The following SGCZ variants were observed in gnomAD, a reference collection of about 807,000 sequenced individuals.
The protein encoded by SGCZ is sarcoglycan zeta.
Under a neutral mutation model 41.3 loss-of-function variants are expected in SGCZ, and 40 were observed. The observed-to-expected ratio is 0.97, with a 90% CI of 0.75 to 1.26. The LOEUF (loss-of-function observed/expected upper bound fraction) is 1.26, where lower values mean the gene tolerates loss of function less well. Ranked by LOEUF, SGCZ falls within the 50% of genes most tolerant of loss-of-function variation. The pLI is 0.00. For missense variants in SGCZ, 552 were observed against 369.8 expected (o/e 1.49, Z -4.04); for synonymous variants, 206 against 137.5 (o/e 1.50, Z -3.49).
At chr8:14,237,497 A>AACG (rs1554484643) in intron 4 of SGCZ, 95 bp downstream of exon 4, 1 of 1,158,652 alleles carries the variant, frequency 8.6e-7, no homozygotes, top group Admixed American at 1.9e-5. Context: ...CAACAACAAC[A>AACG]ACAACAACAA....
chr8:14,188,675 G>C (rs527922570), intron 4 of SGCZ, among the ~76,000 whole-genome samples: 2 of 152,058 alleles, frequency 1.3e-5, no homozygotes, highest in East Asian at 1.9e-4. Context: ...CATTTAAATG[G>C]ATGAATTGTA....
At chr8:14,776,834 A>G (rs1800418440) in intron 1 of SGCZ, among the ~76,000 whole-genome samples, 1 of 152,194 alleles carries the variant, frequency 6.6e-6, no homozygotes, top group Admixed American at 6.5e-5. Flanking sequence ...AAAAGTAGAA[A>G]TGGTTAAACT....
At chr8:15,141,585 C>G (rs1263812609) in intron 1 of SGCZ, among the ~76,000 whole-genome samples, 1 of 152,160 alleles carries the variant, frequency 6.6e-6, no homozygotes, top group East Asian at 1.9e-4. Context: ...CCTTAGAAGG[C>G]TCTGCCCAAG....
At chr8:14,398,927 T>G (rs1798994942) in intron 2 of SGCZ, among the ~76,000 whole-genome samples, 1 of 152,140 alleles carries the variant, frequency 6.6e-6, no homozygotes, top group Non-Finnish European at 1.5e-5. Context: ...GCTTGCATTC[T>G]TCCGTTACAA....
chr8:14,800,536 G>A (rs73533038), intron 1 of SGCZ, among the ~76,000 whole-genome samples: 11,650 of 152,144 alleles, frequency 0.077, 1,403 homozygotes, highest in African/African-American at 0.25. Flanking sequence ...GAGGGGCCTG[G>A]TGGAAGGTGA....
intron 2 of SGCZ, among the ~76,000 whole-genome samples, chr8:14,543,048 C>T (rs189744791): frequency 2.0e-5 from 3 of 151,836 alleles, no homozygotes; most frequent in African/African-American, 7.3e-5. Flanking sequence ...GTTATATTGA[C>T]TGGTTTTACT....
chr8:14,612,041 T>C (rs567404801), intron 1 of SGCZ, among the ~76,000 whole-genome samples: 3 of 152,370 alleles, frequency 2.0e-5, no homozygotes, highest in East Asian at 3.9e-4. Context: ...AAAAATTATT[T>C]AGCATTTGTC....
intron 1 of SGCZ, among the ~76,000 whole-genome samples, chr8:15,188,160 A>G (rs1002517123): frequency 2.0e-5 from 3 of 152,066 alleles, no homozygotes; most frequent in Non-Finnish European, 4.4e-5. Context: ...CACTCCAAAC[A>G]TCATAGTTCA....
intron 3 of SGCZ, among the ~76,000 whole-genome samples, chr8:14,322,540 G>C (rs1196965757): frequency 6.6e-6 from 1 of 152,074 alleles, no homozygotes; most frequent in African/African-American, 2.4e-5. Flanking sequence ...TATGCTCTCA[G>C]AAATGTCCTG....
intron 1 of SGCZ, among the ~76,000 whole-genome samples, chr8:14,944,725 G>A (rs1171685593): frequency 1.3e-5 from 2 of 152,142 alleles, no homozygotes; most frequent in Non-Finnish European, 2.9e-5. Flanking sequence ...ATTGTAGGCT[G>A]AGGATTTTGC....
chr8:14,687,899 A>C (rs1808668069), intron 1 of SGCZ, among the ~76,000 whole-genome samples: 1 of 152,200 alleles, frequency 6.6e-6, no homozygotes, highest in Non-Finnish European at 1.5e-5. Context: ...AACTGGTGTG[A>C]GATGGTATCT....
intron 2 of SGCZ, among the ~76,000 whole-genome samples, chr8:14,539,654 C>A (rs915954501): frequency 1.3e-5 from 2 of 151,792 alleles, no homozygotes; most frequent in Admixed American, 6.6e-5. Flanking sequence ...AGGTATTAAG[C>A]CTAGTAGTTG....
chr8:14,351,547 A>G (rs1803094305), intron 2 of SGCZ, among the ~76,000 whole-genome samples: 1 of 151,336 alleles, frequency 6.6e-6, no homozygotes, highest in Non-Finnish European at 1.5e-5. Flanking sequence ...ATAAATTATC[A>G]TATAATTTAG....
intron 2 of SGCZ, among the ~76,000 whole-genome samples, chr8:14,406,116 C>T (rs1261671347): frequency 6.6e-6 from 1 of 152,066 alleles, no homozygotes; most frequent in Non-Finnish European, 1.5e-5. Context: ...ACTACAGTTT[C>T]CCATCTTCTG....
chr8:14,562,233 A>G (rs996765355), intron 1 of SGCZ, among the ~76,000 whole-genome samples: 3 of 152,158 alleles, frequency 2.0e-5, no homozygotes, highest in African/African-American at 4.8e-5. Context: ...GTATTTTTAT[A>G]TAAGTATTCA....
At chr8:14,684,509 C>G (rs565547046) in intron 1 of SGCZ, among the ~76,000 whole-genome samples, 1 of 152,234 alleles carries the variant, frequency 6.6e-6, no homozygotes, top group Admixed American at 6.5e-5. Flanking sequence ...GCTCTTAAAG[C>G]TGCTGGAGTT....
chr8:14,786,957 G>C (rs1563268945), intron 1 of SGCZ, among the ~76,000 whole-genome samples: 1 of 152,042 alleles, frequency 6.6e-6, no homozygotes, highest in East Asian at 1.9e-4. Context: ...GATGTACCTG[G>C]ATACCTGGTA....
At position 15,152,612 on chromosome 8, in the gene SGCZ, C is replaced by T. The variant is rs189667103; in HGVS notation, c.39+84973G>A. ...AGCAACTTGAGAAAATCAGAAGGCA[C>T]GGCGAGTAGAAAACAGAGAGAATAT... On this transcript the variant is annotated intron_variant, in intron 1 of 7. Transcript: ENST00000382080. Among the ~76,000 whole-genome samples, 224 of 152,182 alleles carry T rather than the reference C, an allele frequency of 1.5e-3. 1 individual carries two copies. Among genetic ancestry groups the T allele is most frequent in the Non-Finnish European group, 2.3e-3 (158 of 68,028 alleles).
chr8:14,947,592 G>A (rs1317542629), intron 1 of SGCZ, among the ~76,000 whole-genome samples: 1 of 152,134 alleles, frequency 6.6e-6, no homozygotes, highest in Admixed American at 6.6e-5. Flanking sequence ...GTATACTTCC[G>A]TTAGTAAAGG....
Sources: gnomAD v4.1 joint callset for allele counts (sites outside exome capture counted in the v4.1 genomes callset) on GRCh38, gnomAD v4.1.1 for gene constraint, MANE v1.5 for transcripts, NCBI Gene and HGNC (gene_info 2026-07-23, HGNC 2026-07-21) for gene names.